The following GPR149 variants were observed in gnomAD, a reference collection of about 807,000 sequenced individuals.
GPR149 encodes the protein probable G protein-coupled receptor 149.
GPR149 carries 50 observed loss-of-function variants against 50.2 expected under a neutral mutation model. That is an observed-to-expected ratio of 1.00 (90% CI 0.79 to 1.26). The LOEUF (loss-of-function observed/expected upper bound fraction) is 1.26, where lower values mean the gene tolerates loss of function less well. Among genes scored for constraint, GPR149 ranks in the 50% most tolerant of loss-of-function variants. The pLI, the probability that GPR149 is intolerant of heterozygous loss-of-function variation, is 0.00. For synonymous variants in GPR149, 405 were observed against 358.2 expected (o/e 1.13, Z -1.48); for missense variants, 983 against 895.4 (o/e 1.10, Z -1.25).
In GPR149 at chr3:154,422,349, G is replaced by A. The variant is rs182947442; in HGVS notation, c.1175-862C>T. The stretch of plus-strand genomic sequence containing the variant: ...TTATGTTGAATGTCATTAAATGCTA[G>A]ATAAGTTTTATATATTAAGAATGAA... On this transcript the variant is annotated intron_variant, in intron 2 of 3. Transcript: ENST00000389740. 6.6e-5 allele frequency among the ~76,000 whole-genome samples: 10 copies of A among 151,712 alleles called. No homozygotes were observed. The East Asian group carries it at 1.9e-3, about 29-fold the overall frequency.
At chr3:154,416,682 C>T (rs1014135131) in intron 3 of GPR149, among the ~76,000 whole-genome samples, 2 of 151,860 alleles carry the variant, frequency 1.3e-5, no homozygotes, top group African/African-American at 2.4e-5. Flanking sequence ...AATAAAATTT[C>T]CTCGATTCTC....
chr3:154,356,669 A>G (rs572238086), intron 3 of GPR149, among the ~76,000 whole-genome samples: 109 of 152,298 alleles, frequency 7.2e-4, no homozygotes, highest in African/African-American at 2.5e-3. Context: ...CCACTGCTCA[A>G]TGAAATAAAA....
chr3:154,429,323 G>C lies in GPR149; in HGVS notation c.293C>G (p.Pro98Arg). The C allele has an allele frequency of 6.2e-7, 1 of 1,614,152 alleles. No individual in the cohort carries two copies. Among genetic ancestry groups the C allele is most frequent in the Non-Finnish European group, 8.5e-7 (1 of 1,180,030 alleles). ...FMFLQWPNEVPGYFQFLCTTS... is the reference protein window; with the variant it reads ...FMFLQWPNEVRGYFQFLCTTS... ...GGTGCACAGAAATTGGAAGTAACCG[G>C]GGACCTCGTTTGGCCACTGCAAAAA... Residue 98 changes from proline to arginine, a missense_variant, in exon 1 of 4, where the codon CCC (proline) becomes CGC (arginine). By Grantham distance (103) the Pro-to-Arg change is moderately radical. Transcript: ENST00000389740.
rs974937480 is a variant in GPR149, at chr3:154,336,630, ACAAT to A, written c.*1065_*1068del. ...AGAATTATCTTGAAATGTATACCTT[ACAAT>A]CACTTAATAAAATAGGTTCAACTGT... On this transcript the variant is annotated 3_prime_UTR_variant, in exon 4 of 4. Coordinates refer to ENST00000389740, the MANE Select transcript of GPR149 (RefSeq NM_001038705.3). The A allele has an allele frequency of 6.6e-6, 1 of 152,122 alleles. No individual in the cohort carries two copies. Among genetic ancestry groups the A allele is most frequent in the Non-Finnish European group, 1.5e-5 (1 of 67,954 alleles). The allele number at this position is 152,122 out of a possible 1,614,324, so 9.4% of individuals were successfully genotyped here.
chr3:154,353,471 C>T (rs1714136287), intron 3 of GPR149: 3 of 907,698 alleles, frequency 3.3e-6, no homozygotes, highest in Admixed American at 3.4e-5. Context: ...CTTCATCAAG[C>T]ACAACATGGC....
chr3:154,406,786 G>T (rs1426283337), intron 3 of GPR149, among the ~76,000 whole-genome samples: 1 of 152,202 alleles, frequency 6.6e-6, no homozygotes. Context: ...TGGAAAGAAT[G>T]AGAAAAATAA....
At position 154,353,379 on chromosome 3, in the gene GPR149, T is replaced by C. The variant is rs980013174; in HGVS notation, c.1624-15108A>G. The C allele has an allele frequency of 3.7e-6, 5 of 1,362,620 alleles. No individual in the cohort carries two copies. The African/African-American group carries it at 7.2e-5, about 20-fold the overall frequency. The allele number at this position is 1,362,620 out of a possible 1,614,324, so 84.4% of individuals were successfully genotyped here. On this transcript the variant is annotated intron_variant, in intron 3 of 3. Transcript: ENST00000389740. ...TGCAGAAAAAAGTAAAGTCTGAGGATGGTCTTCAGATTCAGTTTTGTAGGA... is the reference window on the plus strand; with the variant it reads ...TGCAGAAAAAAGTAAAGTCTGAGGACGGTCTTCAGATTCAGTTTTGTAGGA...
chr3:154,363,926 T>G (rs1714472590), intron 3 of GPR149, among the ~76,000 whole-genome samples: 1 of 152,212 alleles, frequency 6.6e-6, no homozygotes, highest in Admixed American at 6.5e-5. Context: ...CTCTCCAGTG[T>G]TCATGTACCT....
In GPR149 at chr3:154,428,855, T is replaced by C; in HGVS notation, c.761A>G (p.Glu254Gly). 6.2e-7 allele frequency: 1 copy of C among 1,613,818 alleles called. No homozygotes were observed. The highest frequency in any genetic ancestry group is 8.5e-7 in the Non-Finnish European group (1 of 1,179,914). The change falls in exon 1 of 4, where the codon GAG (glutamate) becomes GGG (glycine). Residue 254 changes from glutamate to glycine, a missense_variant. Coordinates refer to ENST00000389740, the MANE Select transcript of GPR149 (RefSeq NM_001038705.3). ...TAGRVVSLSP[E>G]DAPGPSLRRS... ...CCGCAGACTCGGGCCTGGAGCATCC[T>C]CTGGGGACAGGGAAACCACTCTCCC...
intron 3 of GPR149, 73 bp downstream of exon 3, chr3:154,420,966 C>A (rs1712123615): frequency 4.6e-6 from 5 of 1,076,196 alleles, no homozygotes; most frequent in Non-Finnish European, 6.7e-6. Context: ...AAACAAACAA[C>A]TGATAATGTT....
At chr3:154,356,887 C>A (rs1297939725) in intron 3 of GPR149, among the ~76,000 whole-genome samples, 1 of 152,080 alleles carries the variant, frequency 6.6e-6, no homozygotes, top group Non-Finnish European at 1.5e-5. Flanking sequence ...AATCCTAAGA[C>A]AAAAGAACAA....
At chr3:154,413,020 T>G (rs1373427451) in intron 3 of GPR149, among the ~76,000 whole-genome samples, 43 of 152,090 alleles carry the variant, frequency 2.8e-4, no homozygotes, top group Admixed American at 2.8e-3. Context: ...TCAACTCATC[T>G]TTGACAAAGA....
chr3:154,348,329 A>G (rs529297782), intron 3 of GPR149, among the ~76,000 whole-genome samples: 1 of 152,364 alleles, frequency 6.6e-6, no homozygotes, highest in Non-Finnish European at 1.5e-5. Flanking sequence ...GAATGGATTA[A>G]AAACACAACT....
intron 3 of GPR149, among the ~76,000 whole-genome samples, chr3:154,385,603 T>C (rs764010020): frequency 2.0e-5 from 3 of 152,120 alleles, no homozygotes; most frequent in Non-Finnish European, 4.4e-5. Flanking sequence ...TACAATCACA[T>C]CTACACATGA....
At chr3:154,427,246 G>A (rs562320182) in intron 2 of GPR149, among the ~76,000 whole-genome samples, 50 of 151,884 alleles carry the variant, frequency 3.3e-4, no homozygotes, top group African/African-American at 1.2e-3. Context: ...TGTGCTGAAT[G>A]AATCCTAGTC....
chr3:154,408,200 A>G (rs1226884129), intron 3 of GPR149, among the ~76,000 whole-genome samples: 1 of 152,208 alleles, frequency 6.6e-6, no homozygotes, highest in African/African-American at 2.4e-5. Flanking sequence ...TGAAGATGGC[A>G]GATAGGAGGC....
At chr3:154,407,693 T>TACACATACACACACACAC (rs1553766400) in intron 3 of GPR149, among the ~76,000 whole-genome samples, 6 of 140,052 alleles carry the variant, frequency 4.3e-5, no homozygotes, top group African/African-American at 1.7e-4. Flanking sequence ...GTCATGTGTA[T>TACACATACACACACACAC]ACACACACAC....
chr3:154,386,886 A>G (rs905355354), intron 3 of GPR149, among the ~76,000 whole-genome samples: 1 of 152,198 alleles, frequency 6.6e-6, no homozygotes, highest in Non-Finnish European at 1.5e-5. Flanking sequence ...TAAAAATTTT[A>G]TAATAATGTA....
rs1712375859 is a variant in GPR149, at chr3:154,428,640, T to C, written c.976A>G (p.Met326Val). The change falls in exon 1 of 4, where the codon ATG (methionine) becomes GTG (valine). Residue 326 changes from methionine to valine, a missense_variant. Met to Val is a conservative substitution (Grantham distance 21, BLOSUM62 1). Transcript: ENST00000389740. ...GTGAGCAACTGCACTTTTACCATCA[T>C]GGGCAGCCAAAGGACGACTTTTGTA... is the stretch of plus-strand genomic sequence containing the variant. ...ALTKVVLWLP[M>V]MMHMVVQNVV... The C allele has an allele frequency of 1.9e-6, 3 of 1,611,686 alleles. No individual in the cohort carries two copies. Among genetic ancestry groups the C allele is most frequent in the Admixed American group, 3.4e-5 (2 of 59,640 alleles).
Sources: gnomAD v4.1 joint callset for allele counts (sites outside exome capture counted in the v4.1 genomes callset) on GRCh38, gnomAD v4.1.1 for gene constraint, MANE v1.5 for transcripts, NCBI Gene and HGNC (gene_info 2026-07-23, HGNC 2026-07-21) for gene names.